BCO1: variants seen among roughly 807,000 people sequenced by gnomAD.
The protein encoded by BCO1 is beta-carotene oxygenase 1.
BCO1 carries 54 observed loss-of-function variants against 56.3 expected under a neutral mutation model. That is an observed-to-expected ratio of 0.96 (90% CI 0.77 to 1.20). The LOEUF (loss-of-function observed/expected upper bound fraction) is 1.20, where lower values mean the gene tolerates loss of function less well. Among genes scored for constraint, BCO1 ranks in the 50% most tolerant of loss-of-function variants. The pLI, the probability that BCO1 is intolerant of heterozygous loss-of-function variation, is 0.00. For missense variants in BCO1, 801 were observed against 690.9 expected, an observed-to-expected ratio of 1.16 and a Z score of -1.79; for synonymous variants, 318 against 266.1, an observed-to-expected ratio of 1.20 and a Z score of -1.90.
intron 9 of BCO1, 88 bp from the exon 10 acceptor site, chr16:81,287,207 C>G (rs1908233118): frequency 2.0e-6 from 2 of 989,564 alleles, no homozygotes; most frequent in Admixed American, 3.4e-5. Context: ...TTCATCTCCT[C>G]TGTGTGGATC....
chr16:81,246,836 G>A (rs1905447719), intron 2 of BCO1, among the ~76,000 whole-genome samples: 2 of 99,542 alleles, frequency 2.0e-5, no homozygotes, highest in Non-Finnish European at 4.5e-5. Context: ...GGGAGACAGA[G>A]CCAGACTTTG....
In BCO1 at chr16:81,287,200, A is replaced by C. The variant is rs187817762; in HGVS notation, c.1303-95A>C. On this transcript the variant is annotated intron_variant, in intron 9 of 10. Transcript: ENST00000258168. ...CAAAAGTCTACATCCGATGGGCTTC[A>C]TCTCCTCTGTGTGGATCTTCATGCA... 5.3e-6 allele frequency: 5 copies of C among 945,464 alleles called. No individual in the cohort carries two copies. In the East Asian group the frequency reaches 1.2e-4, roughly 23 times the overall value. 58.6% of individuals were successfully genotyped at this position (945,464 alleles called of 1,614,324 possible).
intron 1 of BCO1, among the ~76,000 whole-genome samples, chr16:81,244,375 A>C (rs1905274722): frequency 1.3e-5 from 2 of 151,520 alleles, no homozygotes; most frequent in Non-Finnish European, 3.0e-5. Flanking sequence ...AACAAATCCA[A>C]GATATTATCA....
At chr16:81,240,566 G>C (rs1905064966) in intron 1 of BCO1, among the ~76,000 whole-genome samples, 1 of 151,930 alleles carries the variant, frequency 6.6e-6, no homozygotes, top group South Asian at 2.1e-4. Flanking sequence ...TTAGCCAGGG[G>C]TGGTGGCATG....
At chr16:81,242,757 G>T (rs1905192680) in intron 1 of BCO1, among the ~76,000 whole-genome samples, 1 of 152,088 alleles carries the variant, frequency 6.6e-6, no homozygotes, top group Non-Finnish European at 1.5e-5. Flanking sequence ...CTCGAGCCGT[G>T]GACCAGTACC....
chr16:81,290,935 A>G lies in BCO1; in HGVS notation c.*358A>G, dbSNP rs999214283. 2 of 201,778 alleles carry G rather than the reference A, an allele frequency of 9.9e-6. No individual in the cohort carries two copies. Among genetic ancestry groups the G allele is most frequent in the African/African-American group, 4.7e-5 (2 of 42,688 alleles). The allele number at this position is 201,778 out of a possible 1,614,324, so 12.5% of individuals were successfully genotyped here. On this transcript the variant is annotated 3_prime_UTR_variant, in exon 11 of 11. Coordinates refer to ENST00000258168, the MANE Select transcript of BCO1 (RefSeq NM_017429.3). The stretch of plus-strand genomic sequence containing the variant: ...CTAACCTATTAGAGAAGAGGCAGAT[A>G]ATTATTTATCATTGTGCCTTCCTCT...
chr16:81,264,729 C>T lies in BCO1; in HGVS notation c.561C>T (p.Ser187=). ...EAGNVLNMGT[S]IVEKGKTKYV... ...GAAATGTTCTAAACATGGGCACATC[C>T]ATTGTGGAAAAGGGGAAGACAAAGT... Residue 187 remains serine (S), a synonymous_variant, in exon 5 of 11, where the codon TCC becomes TCT. Coordinates refer to ENST00000258168, the MANE Select transcript of BCO1 (RefSeq NM_017429.3). 1.9e-6 allele frequency: 3 copies of T among 1,614,168 alleles called. No homozygotes were observed. Among genetic ancestry groups the T allele is most frequent in the Non-Finnish European group, 1.7e-6 (2 of 1,180,016 alleles).
At chr16:81,286,704 A>C (rs1305738303) in intron 9 of BCO1, among the ~76,000 whole-genome samples, 2 of 152,074 alleles carry the variant, frequency 1.3e-5, no homozygotes, top group Non-Finnish European at 2.9e-5. Context: ...AATAATAATA[A>C]ATTTTAAAAG....
At chr16:81,273,185 G>T (rs1907343480) in intron 7 of BCO1, among the ~76,000 whole-genome samples, 1 of 152,152 alleles carries the variant, frequency 6.6e-6, no homozygotes, top group South Asian at 2.1e-4. Context: ...GTTTCACCAT[G>T]TTGGCCAGGC....
chr16:81,262,372 C>T, intron 4 of BCO1, 89 bp downstream of exon 4: 2 of 1,438,944 alleles, frequency 1.4e-6, no homozygotes, highest in South Asian at 1.2e-5. Context: ...AGCCTGCAAG[C>T]AGCTTACCAG....
intron 7 of BCO1, among the ~76,000 whole-genome samples, chr16:81,275,193 C>T (rs1234611393): frequency 2.0e-5 from 3 of 152,346 alleles, no homozygotes; most frequent in South Asian, 2.1e-4. Flanking sequence ...CTCAGATGCC[C>T]TCTGGGCCTG....
At chr16:81,288,340 G>A (rs538429152) in intron 10 of BCO1, among the ~76,000 whole-genome samples, 13 of 152,278 alleles carry the variant, frequency 8.5e-5, no homozygotes, top group Middle Eastern at 3.4e-3. Flanking sequence ...ATAGCTCACT[G>A]CAGCCTCAAA....
chr16:81,240,997 G>T (rs1230637473), intron 1 of BCO1, among the ~76,000 whole-genome samples: 1 of 151,480 alleles, frequency 6.6e-6, no homozygotes, highest in African/African-American at 2.4e-5. Flanking sequence ...ACCACACCCG[G>T]CTAATTTTGT....
intron 1 of BCO1, 45 bp downstream of exon 1, chr16:81,239,017 A>AT (rs776308709): frequency 4.3e-5 from 64 of 1,490,544 alleles, no homozygotes; most frequent in Middle Eastern, 4.5e-4. Context: ...TATTTATTTT[A>AT]TTATTTTTTT....
intron 7 of BCO1, among the ~76,000 whole-genome samples, chr16:81,276,185 A>G (rs1472558079): frequency 6.6e-6 from 1 of 152,204 alleles, no homozygotes; most frequent in Non-Finnish European, 1.5e-5. Context: ...TCTGTGTTCA[A>G]TGCCTTTTCT....
intron 8 of BCO1, among the ~76,000 whole-genome samples, chr16:81,283,554 C>T (rs977799880): frequency 6.6e-6 from 1 of 152,016 alleles, no homozygotes; most frequent in Non-Finnish European, 1.5e-5. Context: ...AAGTCTCAGG[C>T]CTACTTTGAG....
intron 1 of BCO1, among the ~76,000 whole-genome samples, chr16:81,244,660 C>G (rs6564862): frequency 6.6e-6 from 1 of 151,220 alleles, no homozygotes; most frequent in Non-Finnish European, 1.5e-5. Flanking sequence ...TCAGCCCACC[C>G]GAGGGCTGTT....
At chr16:81,248,718 T>C (rs1157823108) in intron 2 of BCO1, among the ~76,000 whole-genome samples, 1 of 152,058 alleles carries the variant, frequency 6.6e-6, no homozygotes, top group Non-Finnish European at 1.5e-5. Context: ...AGAAGGTAAA[T>C]GCACCAGTGG....
chr16:81,248,509 T>C (rs973271646), intron 2 of BCO1, among the ~76,000 whole-genome samples: 6 of 152,022 alleles, frequency 3.9e-5, no homozygotes, highest in Admixed American at 2.0e-4. Flanking sequence ...GCTCTAACAT[T>C]TACACATGAA....
Sources: allele counts gnomAD v4.1 joint callset (sites outside exome capture counted in the v4.1 genomes callset), GRCh38; gene constraint gnomAD v4.1.1; transcripts MANE v1.5; gene names NCBI Gene and HGNC (gene_info 2026-07-23, HGNC 2026-07-21).